The following DLG2 variants were observed in gnomAD, a reference collection of about 807,000 sequenced individuals.
DLG2 encodes discs large MAGUK scaffold protein 2, also known as disks large homolog 2.
In DLG2, 45 loss-of-function variants were observed where a neutral mutation model predicts 132.5. The observed-to-expected ratio is 0.34, with a 90% CI of 0.27 to 0.44. DLG2 has a LOEUF of 0.44. Among genes scored for constraint, DLG2 ranks in the 20% least tolerant of loss-of-function variants. DLG2 has a pLI of 1.00. For missense variants in DLG2, 1,045 were observed against 1,196.9 expected (o/e 0.87, Z 1.87); for synonymous variants, 424 against 419.6 (o/e 1.01, Z -0.13).
At chr11:85,237,497 A>T (rs2075651356) in intron 4 of DLG2, among the ~76,000 whole-genome samples, 1 of 152,068 alleles carries the variant, frequency 6.6e-6, no homozygotes, top group Non-Finnish European at 1.5e-5. Flanking sequence ...GCAGTCAAAA[A>T]TCCATTTAAA....
At chr11:85,036,973 C>A (rs926641547) in intron 6 of DLG2, among the ~76,000 whole-genome samples, 10 of 152,128 alleles carry the variant, frequency 6.6e-5, no homozygotes, top group African/African-American at 2.4e-4. Context: ...GAAGTACCCC[C>A]AGGACTTAGA....
At chr11:84,546,645 T>C in intron 6 of DLG2, 2 of 531,120 alleles carry the variant, frequency 3.8e-6, no homozygotes, top group Non-Finnish European at 3.6e-6. Context: ...TGCATCCACC[T>C]CCTCCACAGT....
At chr11:84,000,264 TGAA>T (rs1354382758) in intron 11 of DLG2, among the ~76,000 whole-genome samples, 3 of 151,934 alleles carry the variant, frequency 2.0e-5, no homozygotes, top group African/African-American at 7.2e-5. Context: ...CTAGATTAGA[TGAA>T]GAAGAATCTC....
chr11:84,740,156 A>G (rs148111139), intron 6 of DLG2, among the ~76,000 whole-genome samples: 1 of 151,966 alleles, frequency 6.6e-6, no homozygotes. Context: ...ATTTTACTGG[A>G]GTGCCAAAGG....
At chr11:84,726,932 C>T (rs1260793176) in intron 6 of DLG2, among the ~76,000 whole-genome samples, 1 of 152,068 alleles carries the variant, frequency 6.6e-6, no homozygotes, top group East Asian at 1.9e-4. Flanking sequence ...TATCTTTTGC[C>T]CAGTTTTTGA....
intron 7 of DLG2, among the ~76,000 whole-genome samples, chr11:84,515,161 CA>C (rs1286507778): frequency 1.3e-5 from 2 of 151,454 alleles, no homozygotes; most frequent in African/African-American, 2.4e-5. Flanking sequence ...TACAAAACAA[CA>C]AGAAAATAAT....
At chr11:85,469,192 G>A (rs1203779510) in intron 3 of DLG2, 1 of 152,106 alleles carries the variant, frequency 6.6e-6, no homozygotes, top group African/African-American at 2.4e-5. Context: ...AAATATGACT[G>A]CTTCTTACCA....
chr11:85,497,281 T>C (rs1033274728), intron 3 of DLG2, among the ~76,000 whole-genome samples: 5 of 151,528 alleles, frequency 3.3e-5, no homozygotes, highest in African/African-American at 1.2e-4. Flanking sequence ...TAGTGAAGCA[T>C]ACACAAACTT....
At chr11:84,624,616 C>G (rs925084672) in intron 6 of DLG2, among the ~76,000 whole-genome samples, 1 of 151,682 alleles carries the variant, frequency 6.6e-6, no homozygotes, top group African/African-American at 2.4e-5. Flanking sequence ...AAGAGCTTCA[C>G]TATCATTCCC....
chr11:84,114,825 C>T lies in DLG2; in HGVS notation c.625-15778G>A, dbSNP rs527414231. On this transcript the variant is annotated intron_variant, in intron 9 of 27. Transcript: ENST00000376104. ...TACAGGCACAAACCATGAAGCCTGG[C>T]TATTTTTTTTTTTTTTTCATTTTTT... Among the ~76,000 whole-genome samples, 47 of 92,036 alleles carry T rather than the reference C, an allele frequency of 5.1e-4. No homozygotes were observed. The South Asian group carries it at 0.017, about 34-fold the overall frequency. 60.4% of individuals were successfully genotyped at this position (92,036 alleles called of 152,430 possible). A position where few individuals can be genotyped will look rare whatever the true frequency, so the allele number is the denominator to read the frequency against.
chr11:85,087,565 G>A (rs1017313648), intron 6 of DLG2, among the ~76,000 whole-genome samples: 3 of 152,168 alleles, frequency 2.0e-5, no homozygotes, highest in Non-Finnish European at 1.5e-5. Context: ...TGGGCCGGGC[G>A]CGGTGGCTCA....
At chr11:84,435,924 G>T (rs2098999279) in intron 7 of DLG2, among the ~76,000 whole-genome samples, 1 of 152,004 alleles carries the variant, frequency 6.6e-6, no homozygotes, top group African/African-American at 2.4e-5. Context: ...GCCATTTATG[G>T]TCTCTGACAG....
intron 16 of DLG2, among the ~76,000 whole-genome samples, chr11:83,866,883 C>T (rs532072026): frequency 2.6e-4 from 40 of 152,244 alleles, no homozygotes; most frequent in African/African-American, 9.1e-4. Flanking sequence ...ATTCTCATAA[C>T]GAGACTCCTG....
chr11:84,840,171 G>C (rs1046812065), intron 6 of DLG2, among the ~76,000 whole-genome samples: 3 of 151,880 alleles, frequency 2.0e-5, no homozygotes, highest in East Asian at 1.9e-4. Context: ...CATCAAAAAG[G>C]GGGGAAAGGA....
chr11:83,896,331 G>A (rs2071669205), intron 15 of DLG2, among the ~76,000 whole-genome samples: 1 of 152,250 alleles, frequency 6.6e-6, no homozygotes, highest in Non-Finnish European at 1.5e-5. Context: ...AGCCATGGCA[G>A]GACATTATAG....
chr11:83,895,839 C>T lies in DLG2; in HGVS notation c.1497-21351G>A, dbSNP rs138461851. On this transcript the variant is annotated intron_variant, in intron 15 of 27. Transcript: ENST00000376104. ...ATTTTAAAAATGTCTTTTTCCCCAG[C>T]TAGGCTGTGAACTCCCTGAAGGCTG... 1.8e-3 allele frequency among the ~76,000 whole-genome samples: 270 copies of T among 152,312 alleles called. 1 individual carries two copies. The highest frequency in any genetic ancestry group is 6.2e-3 in the African/African-American group (256 of 41,572).
chr11:83,841,097 A>G (rs914019844), intron 16 of DLG2, among the ~76,000 whole-genome samples: 1 of 152,140 alleles, frequency 6.6e-6, no homozygotes, highest in Non-Finnish European at 1.5e-5. Flanking sequence ...CCACATTTCT[A>G]AGAACTGTTT....
At chr11:85,306,745 T>C (rs1191530690) in intron 3 of DLG2, among the ~76,000 whole-genome samples, 2 of 152,094 alleles carry the variant, frequency 1.3e-5, no homozygotes, top group African/African-American at 4.8e-5. Flanking sequence ...GCTAATTTTT[T>C]GTATTTTTAG....
At chr11:84,026,498 A>G (rs2095538949) in intron 11 of DLG2, among the ~76,000 whole-genome samples, 1 of 152,174 alleles carries the variant, frequency 6.6e-6, no homozygotes, top group South Asian at 2.1e-4. Context: ...GATCAGAGAA[A>G]TAAGCAAAAT....
Sources: gnomAD v4.1 joint callset for allele counts (sites outside exome capture counted in the v4.1 genomes callset) on GRCh38, gnomAD v4.1.1 for gene constraint, MANE v1.5 for transcripts, NCBI Gene and HGNC (gene_info 2026-07-23, HGNC 2026-07-21) for gene names.